The following PLEKHG6 variants were observed in gnomAD, a reference collection of about 807,000 sequenced individuals.
PLEKHG6 encodes pleckstrin homology and RhoGEF domain containing G6.
PLEKHG6 carries 91 observed loss-of-function variants against 97.5 expected under a neutral mutation model. That is an observed-to-expected ratio of 0.93 (90% CI 0.79 to 1.11). The LOEUF is 1.11. PLEKHG6 is among the 50% of genes most tolerant of loss of function. PLEKHG6 has a pLI of 0.00. For missense variants in PLEKHG6, 1,044 were observed against 1,031.0 expected, an observed-to-expected ratio of 1.01 and a Z score of -0.17; for synonymous variants, 466 against 425.5, an observed-to-expected ratio of 1.10 and a Z score of -1.17.
chr12:6,327,615 G>A lies in PLEKHG6; in HGVS notation c.2032G>A (p.Gly678Arg). The change falls in exon 15 of 16, where the codon GGG becomes AGG. Residue 678 changes from glycine to arginine, a missense_variant. Coordinates refer to ENST00000684764, the MANE Select transcript of PLEKHG6 (RefSeq NM_001384598.1). ...SEEEDGASER[G>R]NVVVETLHRA... ...GGAAGAAGATGGGGCCTCCGAGCGA[G>A]GGAATGTGGTGGTGGAAACACTCCA... 2 of 1,579,182 alleles carry A rather than the reference G, an allele frequency of 1.3e-6. No individual in the cohort carries two copies. The highest frequency in any genetic ancestry group is 8.6e-7 in the Non-Finnish European group (1 of 1,162,370).
chr12:6,311,080 C>T (rs1478568485), intron 1 of PLEKHG6: 1 of 152,430 alleles, frequency 6.6e-6, no homozygotes, highest in Non-Finnish European at 1.5e-5. Flanking sequence ...TCCTCTGCTC[C>T]TGAATCGGAG....
At chr12:6,319,358 G>A in intron 13 of PLEKHG6, 1 of 647,222 alleles carries the variant, frequency 1.5e-6, no homozygotes, top group Non-Finnish European at 2.6e-6. Context: ...TGAGGCAGGA[G>A]AATCACTTGA....
Position 6,316,529 on chromosome 12 carries a change from A to G in PLEKHG6, c.756+125A>G. The G allele has an allele frequency of 1.2e-6, 1 of 850,838 alleles. No homozygotes were observed. The highest frequency in any genetic ancestry group is 1.7e-6 in the Non-Finnish European group (1 of 579,266). The allele number at this position is 850,838 out of a possible 1,614,324, so 52.7% of individuals were successfully genotyped here. On this transcript the variant is annotated intron_variant, in intron 7 of 15. Coordinates refer to ENST00000684764, the MANE Select transcript of PLEKHG6 (RefSeq NM_001384598.1). This position sits in a 1 kb window ranked among gnomAD's most constrained non-coding sequence, Gnocchi z 4.1. ...TGAGGGGCCGCAGGACACAGCCCCT[A>G]CCCCTAATATCACCTCACCTCCTCC...
intron 13 of PLEKHG6, among the ~76,000 whole-genome samples, chr12:6,320,630 C>G (rs748075653): frequency 6.6e-6 from 1 of 152,178 alleles, no homozygotes; most frequent in Non-Finnish European, 1.5e-5. Context: ...CCAGGGAGAA[C>G]TCATCTTGAG....
chr12:6,312,072 C>A, intron 1 of PLEKHG6, 87 bp from the exon 2 acceptor site: 1 of 566,526 alleles, frequency 1.8e-6, no homozygotes, highest in Non-Finnish European at 2.9e-6. Flanking sequence ...TACCCTCCCT[C>A]CCAGGCCCCC....
chr12:6,312,340 CT>C lies in PLEKHG6; in HGVS notation c.115del (p.Tyr39IlefsTer34). ...ASAQSTAGRLYPRGYPVLDPS... is the reference protein window; with the variant it reads ...ASAQSTAGRLXPRGYPVLDPS... The stretch of plus-strand genomic sequence containing the variant: ...CTGCTCAGAGCACTGCTGGCAGACT[CT>C]ATCCCCGAGGATACCCTGTGCTGGT... On this transcript the variant is annotated frameshift_variant, in exon 2 of 16. Transcript: ENST00000684764. LOFTEE classifies it high-confidence loss of function. 1 of 1,584,430 alleles carries C rather than the reference CT, an allele frequency of 6.3e-7. No individual in the cohort carries two copies. The highest frequency in any genetic ancestry group is 8.6e-7 in the Non-Finnish European group (1 of 1,168,348).
chr12:6,313,306 G>A, intron 2 of PLEKHG6: 1 of 998,304 alleles, frequency 1.0e-6, no homozygotes, highest in Non-Finnish European at 1.5e-6. Flanking sequence ...CGGAGAGCAG[G>A]AGGCAGTGGG....
chr12:6,327,302 C>A lies in PLEKHG6; in HGVS notation c.1719C>A (p.Asp573Glu). ...TIIPHLVVTEDTDEDAPLVPD... is the reference protein window; with the variant it reads ...TIIPHLVVTEETDEDAPLVPD... ...TCCCCCACCTGGTGGTGACAGAAGA[C>A]ACAGATGAAGATGCTCCCCTTGTGC... The change falls in exon 15 of 16, where the codon GAC becomes GAA. Residue 573 changes from aspartate (D) to glutamate (E), a missense_variant. By Grantham distance (45) the Asp-to-Glu change is conservative. Transcript: ENST00000684764. 1 of 1,612,850 alleles carries A rather than the reference C, an allele frequency of 6.2e-7. No homozygotes were observed. Among genetic ancestry groups the A allele is most frequent in the South Asian group, 1.1e-5 (1 of 90,900 alleles).
Position 6,315,728 on chromosome 12 carries a change from C to T in PLEKHG6, c.555+79C>T. 1.6e-6 allele frequency: 2 copies of T among 1,231,110 alleles called. No homozygotes were observed. Among genetic ancestry groups the T allele is most frequent in the Non-Finnish European group, 2.3e-6 (2 of 870,984 alleles). 76.3% of individuals were successfully genotyped at this position (1,231,110 alleles called of 1,614,324 possible). On this transcript the variant is annotated intron_variant, in intron 5 of 15. Transcript: ENST00000684764. The surrounding 1 kb of genome is among the most constrained non-coding windows in gnomAD (Gnocchi z 4.5). ...TCCTCCCAGACTGGAAGGCAGGTCA[C>T]TGGGGGAGGGAGGGGCAGGATTTCA...
intron 12 of PLEKHG6, 49 bp downstream of exon 12, chr12:6,318,926 G>A: frequency 6.2e-7 from 1 of 1,613,482 alleles, no homozygotes; most frequent in Admixed American, 1.7e-5. Context: ...TCTCAGCGAG[G>A]GGAAGGAGGA....
In PLEKHG6 at chr12:6,326,464, C is replaced by G; in HGVS notation, c.1561C>G (p.Gln521Glu). ...LQKLKAEEYV[Q>E]QKRELLTLYR... ...GAAGCTGAAGGCAGAGGAGTATGTT[C>G]AACAGAAGAGGGAGCTCCTGACCCT... Residue 521 changes from glutamine (Q) to glutamate (E), a missense_variant, in exon 14 of 16, where the codon CAA (glutamine) becomes GAA (glutamate). By Grantham distance (29) the Gln-to-Glu change is conservative. Coordinates refer to ENST00000684764, the MANE Select transcript of PLEKHG6 (RefSeq NM_001384598.1). 6.2e-7 allele frequency: 1 copy of G among 1,613,546 alleles called. No individual in the cohort carries two copies. The highest frequency in any genetic ancestry group is 8.5e-7 in the Non-Finnish European group (1 of 1,179,770).
chr12:6,321,826 T>TAAAA (rs57346521), intron 13 of PLEKHG6, among the ~76,000 whole-genome samples: 4 of 97,388 alleles, frequency 4.1e-5, no homozygotes, highest in African/African-American at 1.4e-4. Flanking sequence ...GACTCTGTCT[T>TAAAA]AAAAAAAAAA....
chr12:6,324,878 AACAATTAGTATAGCATGGGC>A (rs1378014913), intron 13 of PLEKHG6, among the ~76,000 whole-genome samples: 1 of 152,086 alleles, frequency 6.6e-6, no homozygotes, highest in Non-Finnish European at 1.5e-5. Flanking sequence ...GGAAATATTT[AACAATTAGTATAGCATGGGC>A]ATCAACCAAT....
intron 9 of PLEKHG6, 44 bp from the exon 10 acceptor site, chr12:6,317,813 G>A (rs1947534767): frequency 6.5e-7 from 1 of 1,539,144 alleles, no homozygotes; most frequent in Non-Finnish European, 8.8e-7. Flanking sequence ...GTTGGGAGGG[G>A]ACGGCTGAGC....
Position 6,318,657 on chromosome 12 carries a change from T to TGCGCA in PLEKHG6, c.1276-87_1276-83dup, listed in dbSNP as rs901325980. 1.2e-4 allele frequency: 167 copies of TGCGCA among 1,440,174 alleles called. 2 individuals are homozygous for TGCGCA. In the Middle Eastern group the frequency reaches 2.5e-3, roughly 22 times the overall value. 89.2% of individuals were successfully genotyped at this position (1,440,174 alleles called of 1,614,324 possible). A position where few individuals can be genotyped will look rare whatever the true frequency, so the allele number is the denominator to read the frequency against. On this transcript the variant is annotated intron_variant, in intron 11 of 15. Coordinates refer to ENST00000684764, the MANE Select transcript of PLEKHG6 (RefSeq NM_001384598.1). ...GGCTCTGCGTGTGTCCCTGTGTGCC[T>TGCGCA]GCGCACCATGCCTGAGCCTCCTCCC...
intron 13 of PLEKHG6, among the ~76,000 whole-genome samples, chr12:6,321,763 C>T (rs1339944214): frequency 8.0e-5 from 11 of 137,020 alleles, no homozygotes; most frequent in Non-Finnish European, 1.2e-4. Flanking sequence ...GGAGGCGGAG[C>T]TTGCAGTGAG....
chr12:6,313,882 C>G (rs1241274916), intron 3 of PLEKHG6, 98 bp downstream of exon 3: 2 of 1,152,346 alleles, frequency 1.7e-6, no homozygotes, highest in Non-Finnish European at 2.4e-6. Context: ...AACACAGGTC[C>G]AGGAGGCTGC....
intron 13 of PLEKHG6, among the ~76,000 whole-genome samples, chr12:6,321,685 G>A (rs569450652): frequency 2.0e-5 from 3 of 151,984 alleles, no homozygotes; most frequent in African/African-American, 7.2e-5. Context: ...AAATTAGCCG[G>A]GCGCGGTGGC....
intron 13 of PLEKHG6, among the ~76,000 whole-genome samples, chr12:6,322,046 C>T (rs968656809): frequency 2.0e-5 from 3 of 152,134 alleles, no homozygotes; most frequent in African/African-American, 7.2e-5. Flanking sequence ...AGATTCAAAG[C>T]TGTCATTCGG....
Sources: gnomAD v4.1 joint callset for allele counts (sites outside exome capture counted in the v4.1 genomes callset) on GRCh38, gnomAD v4.1.1 for gene constraint, Gnocchi (gnomAD v3.1) non-coding constraint, MANE v1.5 for transcripts, NCBI Gene and HGNC (gene_info 2026-07-23, HGNC 2026-07-21) for gene names.